PPHLN1: variants seen among roughly 807,000 people sequenced by gnomAD.
PPHLN1 encodes periphilin-1.
In PPHLN1, 29 loss-of-function variants were observed where a neutral mutation model predicts 51.3. The observed-to-expected ratio is 0.57, with a 90% CI of 0.42 to 0.77. The LOEUF (loss-of-function observed/expected upper bound fraction) is 0.77. Ranked by LOEUF, PPHLN1 falls within the 30% of genes least tolerant of loss-of-function variation. The pLI is 0.00. For synonymous variants in PPHLN1, 147 were observed against 147.8 expected, an observed-to-expected ratio of 0.99 and a Z score of 0.04; for missense variants, 436 against 438.4, an observed-to-expected ratio of 0.99 and a Z score of 0.05.
chr12:42,425,476 T>C (rs1270475033), intron 9 of PPHLN1, among the ~76,000 whole-genome samples: 1 of 151,548 alleles, frequency 6.6e-6, no homozygotes, highest in Non-Finnish European at 1.5e-5. Flanking sequence ...AACCTCTGCC[T>C]CCCGGGTTCA....
intron 4 of PPHLN1, among the ~76,000 whole-genome samples, chr12:42,373,939 G>T (rs979966848): frequency 3.3e-5 from 5 of 152,120 alleles, no homozygotes; most frequent in Admixed American, 2.6e-4. Flanking sequence ...GGACTGAAGA[G>T]TTTTTTGGTG....
chr12:42,398,685 C>T (rs377055115), intron 8 of PPHLN1, 169 bp from the exon 9 acceptor site: 16 of 478,672 alleles, frequency 3.3e-5, no homozygotes, highest in African/African-American at 3.0e-4. Context: ...TTCTTTAATC[C>T]ATTTCACATA....
At chr12:42,404,781 G>A (rs1050760581) in intron 9 of PPHLN1, among the ~76,000 whole-genome samples, 2 of 152,166 alleles carry the variant, frequency 1.3e-5, no homozygotes, top group African/African-American at 2.4e-5. Context: ...TGTAATCCCA[G>A]CACTTTGGGA....
chr12:42,369,536 C>T (rs1255181702), intron 4 of PPHLN1, among the ~76,000 whole-genome samples: 1 of 152,126 alleles, frequency 6.6e-6, no homozygotes, highest in Non-Finnish European at 1.5e-5. Flanking sequence ...GTGCTATATG[C>T]CAGGTTCTGT....
chr12:42,356,507 G>T (rs560322192), intron 4 of PPHLN1, among the ~76,000 whole-genome samples: 1 of 152,288 alleles, frequency 6.6e-6, no homozygotes, highest in African/African-American at 2.4e-5. Context: ...CTATTTAATT[G>T]TCTCTGTAAC....
downstream of PPHLN1, chr12:42,447,261 A>G (rs1412743219): frequency 2.0e-5 from 3 of 152,242 alleles, no homozygotes; most frequent in African/African-American, 7.2e-5. Flanking sequence ...CATATGCTCT[A>G]TCTCAAGAAA....
downstream of PPHLN1, chr12:42,445,987 C>A (rs1380893191): frequency 6.6e-7 from 1 of 1,509,666 alleles, no homozygotes; most frequent in East Asian, 2.5e-5. Context: ...TCTTTGGATT[C>A]CAGCACGACG....
At chr12:42,413,831 G>C (rs2080117299) in intron 9 of PPHLN1, among the ~76,000 whole-genome samples, 1 of 151,998 alleles carries the variant, frequency 6.6e-6, no homozygotes, top group Non-Finnish European at 1.5e-5. Flanking sequence ...CCAAAGTGCT[G>C]GGATTACAGG....
intron 9 of PPHLN1, among the ~76,000 whole-genome samples, chr12:42,414,824 A>G (rs2139587110): frequency 6.6e-6 from 1 of 152,240 alleles, no homozygotes; most frequent in South Asian, 2.1e-4. Context: ...TCTTAACGTT[A>G]GTTATATTCT....
Position 42,354,252 on chromosome 12 carries a change from T to A in PPHLN1, c.238-909T>A, listed in dbSNP as rs1438439830. On this transcript the variant is annotated intron_variant, in intron 3 of 9. Coordinates refer to ENST00000358314, the MANE Select transcript of PPHLN1 (RefSeq NM_201439.2). ...TTTATTTTTTGAGACAGAGTCTCAT[T>A]CTGTTGCCCAGGCTGGAGTGCAGTG... is the stretch of plus-strand genomic sequence containing the variant. 3.9e-5 allele frequency among the ~76,000 whole-genome samples: 6 copies of A among 152,350 alleles called. 1 individual carries two copies. The South Asian group carries it at 6.2e-4, about 16-fold the overall frequency.
intron 7 of PPHLN1, among the ~76,000 whole-genome samples, chr12:42,389,774 G>T (rs1306353352): frequency 6.6e-6 from 1 of 152,188 alleles, no homozygotes; most frequent in African/African-American, 2.4e-5. Context: ...TATTTGGGGA[G>T]TTGGGAGTGT....
At chr12:42,352,130 C>T (rs1178357286) in intron 3 of PPHLN1, 81 bp downstream of exon 3, 4 of 1,247,568 alleles carry the variant, frequency 3.2e-6, no homozygotes, top group African/African-American at 1.6e-5. Flanking sequence ...ATGTGACGGC[C>T]GTGAAAGCAG....
At chr12:42,394,056 T>C (rs2077978552) in intron 8 of PPHLN1, among the ~76,000 whole-genome samples, 1 of 152,108 alleles carries the variant, frequency 6.6e-6, no homozygotes, top group Admixed American at 6.5e-5. Context: ...GACCTTGGAT[T>C]GTGGACCATA....
At position 42,349,687 on chromosome 12, in the gene PPHLN1, T is replaced by G. The variant is rs1329322351; in HGVS notation, c.73-2198T>G. ...GCCCTTAATCCATTTAACCCTGAGT[T>G]GACACAGCACATGTTTCAGAGAGCA... On this transcript the variant is annotated intron_variant, in intron 2 of 9. Transcript: ENST00000358314. Among the ~76,000 whole-genome samples, 11 of 152,248 alleles carry G rather than the reference T, an allele frequency of 7.2e-5. No homozygotes were observed. In the East Asian group the frequency reaches 1.2e-3, roughly 16 times the overall value.
intron 1 of PPHLN1, among the ~76,000 whole-genome samples, chr12:42,331,403 T>G (rs2069712223): frequency 6.6e-6 from 1 of 152,182 alleles, no homozygotes; most frequent in African/African-American, 2.4e-5. Context: ...GTGTTAATGG[T>G]TTGACAGAAG....
At chr12:42,375,595 C>G (rs2076200857) in intron 5 of PPHLN1, among the ~76,000 whole-genome samples, 1 of 152,152 alleles carries the variant, frequency 6.6e-6, no homozygotes, top group Non-Finnish European at 1.5e-5. Flanking sequence ...CAGGTGTGAG[C>G]CACTGCTCCT....
At chr12:42,405,832 CTA>C (rs2139423684) in intron 9 of PPHLN1, among the ~76,000 whole-genome samples, 1 of 152,070 alleles carries the variant, frequency 6.6e-6, no homozygotes, top group South Asian at 2.1e-4. Context: ...CTAAACTCTG[CTA>C]TGTTTGTTAT....
intron 9 of PPHLN1, among the ~76,000 whole-genome samples, chr12:42,429,577 A>G (rs987265957): frequency 1.3e-5 from 2 of 152,198 alleles, no homozygotes; most frequent in Non-Finnish European, 2.9e-5. Flanking sequence ...TATTTATTTT[A>G]TGGCATTTAC....
intron 9 of PPHLN1, chr12:42,400,032 C>T (rs2078647367): frequency 6.6e-6 from 1 of 152,018 alleles, no homozygotes; most frequent in Admixed American, 6.6e-5. Flanking sequence ...AAATTACTGT[C>T]CTTTTTTTTC....
Sources: allele counts gnomAD v4.1 joint callset (sites outside exome capture counted in the v4.1 genomes callset), GRCh38; gene constraint gnomAD v4.1.1; transcripts MANE v1.5; gene names NCBI Gene and HGNC (gene_info 2026-07-23, HGNC 2026-07-21).